The following ZDHHC14 variants were observed in gnomAD, a reference collection of about 807,000 sequenced individuals.
ZDHHC14 encodes zDHHC palmitoyltransferase 14.
Under a neutral mutation model 47.7 loss-of-function variants are expected in ZDHHC14, and 16 were observed. The ratio of observed to expected loss-of-function variants is 0.34; its 90% CI spans 0.23 to 0.51. The LOEUF is 0.51. Among genes scored for constraint, ZDHHC14 ranks in the 20% least tolerant of loss-of-function variants. The pLI is 0.97. For missense variants in ZDHHC14, 515 were observed against 662.5 expected, an observed-to-expected ratio of 0.78 and a Z score of 2.44; for synonymous variants, 293 against 278.9, an observed-to-expected ratio of 1.05 and a Z score of -0.50.
At chr6:157,452,645 G>A (rs1778827547) in intron 1 of ZDHHC14, among the ~76,000 whole-genome samples, 1 of 149,288 alleles carries the variant, frequency 6.7e-6, no homozygotes, top group South Asian at 2.1e-4. Flanking sequence ...CAAATTGAAA[G>A]GAAAGGTGTT....
At chr6:157,507,430 C>T (rs528582512) in intron 1 of ZDHHC14, among the ~76,000 whole-genome samples, 15 of 151,992 alleles carry the variant, frequency 9.9e-5, no homozygotes, top group African/African-American at 2.2e-4. Context: ...ATTACAGGCA[C>T]GCCACCACAC....
rs2115019397 is a variant in ZDHHC14 at position 157,673,357 on chromosome 6, T to C, written c.*235T>C. The stretch of plus-strand genomic sequence containing the variant: ...CTGAGTGCTTTGACAACAATGGAAA[T>C]AGAGAAGTGGCTGCTTTCTTTTGGT... On this transcript the variant is annotated 3_prime_UTR_variant, in exon 9 of 9. Coordinates refer to ENST00000359775, the MANE Select transcript of ZDHHC14 (RefSeq NM_024630.3). This position sits in a 1 kb window ranked among gnomAD's most constrained non-coding sequence, Gnocchi z 5.4. 7 of 560,352 alleles carry C rather than the reference T, an allele frequency of 1.2e-5. No individual in the cohort carries two copies. The highest frequency in any genetic ancestry group is 2.1e-5 in the Non-Finnish European group (7 of 334,136). 34.7% of individuals were successfully genotyped at this position (560,352 alleles called of 1,614,324 possible).
At chr6:157,455,029 G>A (rs147785491) in intron 1 of ZDHHC14, among the ~76,000 whole-genome samples, 1,933 of 152,262 alleles carry the variant, frequency 0.013, 33 homozygotes, top group African/African-American at 0.044. Context: ...CTCATTTATC[G>A]CAAACTGACG....
At chr6:157,594,045 G>T (rs1393215106) in intron 3 of ZDHHC14, among the ~76,000 whole-genome samples, 2 of 152,224 alleles carry the variant, frequency 1.3e-5, no homozygotes, top group Non-Finnish European at 2.9e-5. Flanking sequence ...CCTCGTAACT[G>T]AAAGGATAGG....
chr6:157,428,417 A>G (rs1005925945), intron 1 of ZDHHC14, among the ~76,000 whole-genome samples: 2 of 152,192 alleles, frequency 1.3e-5, no homozygotes, highest in Non-Finnish European at 2.9e-5. Context: ...AAGCTTTAAT[A>G]TATGTCATTA....
intron 1 of ZDHHC14, among the ~76,000 whole-genome samples, chr6:157,398,416 G>C (rs1299609181): frequency 1.3e-5 from 2 of 152,156 alleles, no homozygotes; most frequent in African/African-American, 4.8e-5. Flanking sequence ...TTGCTGCTCT[G>C]TCCCCTCTGG....
At chr6:157,499,841 A>T (rs150823897) in intron 1 of ZDHHC14, among the ~76,000 whole-genome samples, 2 of 152,336 alleles carry the variant, frequency 1.3e-5, no homozygotes, top group East Asian at 3.9e-4. Context: ...ACAGGAGACA[A>T]ATCGATTGAT....
intron 1 of ZDHHC14, among the ~76,000 whole-genome samples, chr6:157,460,901 A>G (rs879889913): frequency 4.6e-5 from 7 of 152,198 alleles, no homozygotes; most frequent in Non-Finnish European, 1.0e-4. Flanking sequence ...TCTCCCTGCT[A>G]GCACGGGTTG....
chr6:157,475,381 A>T (rs1779457723), intron 1 of ZDHHC14, among the ~76,000 whole-genome samples: 1 of 150,928 alleles, frequency 6.6e-6, no homozygotes. Flanking sequence ...GGATCTTAGG[A>T]TTTTTTTTTC....
intron 3 of ZDHHC14, among the ~76,000 whole-genome samples, chr6:157,613,161 A>G (rs1157182947): frequency 6.6e-6 from 1 of 152,214 alleles, no homozygotes; most frequent in Non-Finnish European, 1.5e-5. Context: ...TACTCAACAG[A>G]TATCGGAGGG....
At chr6:157,650,928 G>T (rs1200328339) in intron 7 of ZDHHC14, among the ~76,000 whole-genome samples, 6 of 152,162 alleles carry the variant, frequency 3.9e-5, no homozygotes, top group Admixed American at 3.9e-4. Flanking sequence ...CTCTAACCTG[G>T]TGGGGTCTGA....
intron 1 of ZDHHC14, among the ~76,000 whole-genome samples, chr6:157,398,924 C>T (rs762418881): frequency 6.6e-6 from 1 of 152,150 alleles, no homozygotes; most frequent in Non-Finnish European, 1.5e-5. Context: ...TCCACGACAT[C>T]CACAGTTAGG....
intron 2 of ZDHHC14, among the ~76,000 whole-genome samples, chr6:157,581,076 C>T (rs757123251): frequency 1.3e-5 from 2 of 152,060 alleles, no homozygotes; most frequent in African/African-American, 2.4e-5. Flanking sequence ...AAACTTCCAT[C>T]TGAACACTAC....
intron 2 of ZDHHC14, among the ~76,000 whole-genome samples, chr6:157,561,273 C>T (rs935509449): frequency 3.2e-4 from 48 of 152,160 alleles, no homozygotes; most frequent in African/African-American, 1.1e-3. Flanking sequence ...AGCTCAGAGG[C>T]CATGCTGAGT....
chr6:157,384,855 G>T (rs142062142), intron 1 of ZDHHC14, among the ~76,000 whole-genome samples: 3,363 of 152,292 alleles, frequency 0.022, 54 homozygotes, highest in Non-Finnish European at 0.031. Flanking sequence ...AGTACTGCCT[G>T]CCCCTGGCCT....
At chr6:157,431,529 A>G (rs1045368281) in intron 1 of ZDHHC14, among the ~76,000 whole-genome samples, 4 of 151,878 alleles carry the variant, frequency 2.6e-5, no homozygotes, top group Non-Finnish European at 5.9e-5. Flanking sequence ...AGGATGGAGG[A>G]CCTTAGTGTA....
At position 157,622,965 on chromosome 6, in the gene ZDHHC14, G is replaced by T. The variant is rs1004373404; in HGVS notation, c.566-5384G>T. ...TAGAAATGATTCCTCCCCTCTGGGA[G>T]CCAGCTGGATGAAAGAGGAGAGCAG... is the stretch of plus-strand genomic sequence containing the variant. On this transcript the variant is annotated intron_variant, in intron 3 of 8. Coordinates refer to ENST00000359775, the MANE Select transcript of ZDHHC14 (RefSeq NM_024630.3). Among the ~76,000 whole-genome samples, 4 of 152,314 alleles carry T rather than the reference G, an allele frequency of 2.6e-5. No homozygotes were observed. In the South Asian group the frequency reaches 8.3e-4, roughly 32 times the overall value.
intron 2 of ZDHHC14, among the ~76,000 whole-genome samples, chr6:157,559,896 C>T (rs911838181): frequency 2.0e-5 from 3 of 152,110 alleles, no homozygotes; most frequent in Non-Finnish European, 4.4e-5. Flanking sequence ...TTGAAATAGG[C>T]CCCCATGGAC....
At chr6:157,561,564 G>A (rs35395684) in intron 2 of ZDHHC14, among the ~76,000 whole-genome samples, 30,947 of 152,154 alleles carry the variant, frequency 0.2, 3,349 homozygotes, top group Middle Eastern at 0.33. Flanking sequence ...AAATGACAAA[G>A]CAGCCACCCT....
Sources: allele counts gnomAD v4.1 joint callset (sites outside exome capture counted in the v4.1 genomes callset), GRCh38; gene constraint gnomAD v4.1.1; non-coding constraint Gnocchi (gnomAD v3.1); transcripts MANE v1.5; gene names NCBI Gene and HGNC (gene_info 2026-07-23, HGNC 2026-07-21).